STK39: variants seen among roughly 807,000 people sequenced by gnomAD.
The protein encoded by STK39 is serine/threonine kinase 39.
Under a neutral mutation model 77.8 loss-of-function variants are expected in STK39, and 20 were observed. The observed-to-expected ratio is 0.26, with a 90% confidence interval of 0.18 to 0.37. STK39 has a LOEUF of 0.37. STK39 is among the 10% of genes least tolerant of loss of function. The pLI is 1.00. For synonymous variants in STK39, 246 were observed against 234.1 expected (o/e 1.05, Z -0.47); for missense variants, 479 against 656.5 (o/e 0.73, Z 2.95).
intron 13 of STK39, 120 bp downstream of exon 13, chr2:168,065,199 G>T: frequency 9.8e-7 from 1 of 1,022,448 alleles, no homozygotes; most frequent in Non-Finnish European, 1.5e-6. Context: ...TAAAAAGACA[G>T]CTTATAAGCC....
At chr2:167,977,156 C>T (rs56403886) in intron 16 of STK39, among the ~76,000 whole-genome samples, 52,744 of 151,956 alleles carry the variant, frequency 0.35, 9,792 homozygotes, top group Non-Finnish European at 0.4. Flanking sequence ...TTCGGTTTGG[C>T]GTAACAAAAC....
intron 10 of STK39, among the ~76,000 whole-genome samples, chr2:168,090,908 C>A (rs540539644): frequency 6.6e-6 from 1 of 152,126 alleles, no homozygotes; most frequent in Admixed American, 6.5e-5. Flanking sequence ...CTTGAAGATA[C>A]TGCGAGGAAA....
chr2:168,139,024 T>C (rs1476485211), intron 7 of STK39, among the ~76,000 whole-genome samples: 1 of 152,200 alleles, frequency 6.6e-6, no homozygotes, highest in Non-Finnish European at 1.5e-5. Flanking sequence ...ATGCTATACA[T>C]GTCAAGCCTC....
At chr2:167,960,980 T>C (rs1207004405) in intron 17 of STK39, among the ~76,000 whole-genome samples, 1 of 152,278 alleles carries the variant, frequency 6.6e-6, no homozygotes, top group East Asian at 1.9e-4. Context: ...ATTTACATTG[T>C]AATCCAGTTC....
intron 2 of STK39, among the ~76,000 whole-genome samples, chr2:168,178,991 G>A (rs899109349): frequency 5.9e-5 from 9 of 152,138 alleles, no homozygotes; most frequent in African/African-American, 1.4e-4. Flanking sequence ...GCTGGGAGTC[G>A]GGGTCAGGAG....
intron 14 of STK39, among the ~76,000 whole-genome samples, chr2:168,051,308 G>T (rs867503751): frequency 6.6e-6 from 1 of 152,126 alleles, no homozygotes; most frequent in South Asian, 2.1e-4. Context: ...GCGACAGGAA[G>T]GATAACTTAA....
chr2:168,068,774 T>C lies in STK39; in HGVS notation c.1243-3393A>G, dbSNP rs77775954. Among the ~76,000 whole-genome samples, 662 of 152,232 alleles carry C rather than the reference T, an allele frequency of 4.3e-3. 8 individuals are homozygous for C. The highest frequency in any genetic ancestry group is 0.015 in the African/African-American group (629 of 41,516). On this transcript the variant is annotated intron_variant, in intron 12 of 17. Coordinates refer to ENST00000355999, the MANE Select transcript of STK39 (RefSeq NM_013233.3). ...CTTTTAGAAAGTGGTATCATGAAAA[T>C]ATCAGGTTAAAGCAGTCTGTGATGG...
intron 16 of STK39, among the ~76,000 whole-genome samples, chr2:167,988,909 T>C (rs1314330619): frequency 2.0e-5 from 3 of 152,252 alleles, no homozygotes; most frequent in South Asian, 2.1e-4. Context: ...GCAACAATGA[T>C]AGATCGAGAG....
chr2:168,203,071 C>T (rs765566496), intron 1 of STK39, among the ~76,000 whole-genome samples: 1 of 152,162 alleles, frequency 6.6e-6, no homozygotes, highest in Non-Finnish European at 1.5e-5. Context: ...AGGTACTGTC[C>T]TGTGTCCTGA....
intron 14 of STK39, among the ~76,000 whole-genome samples, chr2:168,048,156 G>T (rs1318738133): frequency 6.6e-6 from 1 of 151,222 alleles, no homozygotes; most frequent in Non-Finnish European, 1.5e-5. Flanking sequence ...CAAGTGATGG[G>T]TTTTATTTTG....
intron 1 of STK39, among the ~76,000 whole-genome samples, chr2:168,207,020 C>A (rs1689759758): frequency 6.6e-6 from 1 of 152,164 alleles, no homozygotes; most frequent in Admixed American, 6.5e-5. Context: ...TTCATTTATA[C>A]CCCTCTTTTG....
chr2:168,119,271 A>G (rs914845603), intron 10 of STK39, among the ~76,000 whole-genome samples: 1 of 152,088 alleles, frequency 6.6e-6, no homozygotes, highest in South Asian at 2.1e-4. Context: ...CTTCTCCTTC[A>G]CTGTTATTAT....
intron 1 of STK39, among the ~76,000 whole-genome samples, chr2:168,189,978 C>T (rs1355201016): frequency 3.9e-5 from 6 of 152,174 alleles, no homozygotes; most frequent in Non-Finnish European, 7.3e-5. Context: ...CTAGCCCGCC[C>T]GAGCTATGAA....
At chr2:167,996,649 CTG>C (rs1683848196) in intron 16 of STK39, among the ~76,000 whole-genome samples, 1 of 152,212 alleles carries the variant, frequency 6.6e-6, no homozygotes, top group Admixed American at 6.5e-5. Flanking sequence ...GCATTGTCTC[CTG>C]TCTGGATTGT....
chr2:167,975,881 T>C (rs1683264474), intron 16 of STK39, among the ~76,000 whole-genome samples: 1 of 152,302 alleles, frequency 6.6e-6, no homozygotes, highest in East Asian at 1.9e-4. Flanking sequence ...CTGGTCATGA[T>C]AGGAAAAAGG....
At chr2:168,020,004 A>C (rs928972817) in intron 14 of STK39, among the ~76,000 whole-genome samples, 1 of 152,088 alleles carries the variant, frequency 6.6e-6, no homozygotes, top group African/African-American at 2.4e-5. Flanking sequence ...TGCGCCTGGC[A>C]AAGTTTCTTA....
chr2:168,165,160 T>A (rs1221384252), intron 3 of STK39, among the ~76,000 whole-genome samples: 2 of 152,158 alleles, frequency 1.3e-5, no homozygotes, highest in African/African-American at 4.8e-5. Context: ...TGTATAAGGA[T>A]ATACCATACC....
At chr2:168,218,371 T>A (rs1007855099) in intron 1 of STK39, among the ~76,000 whole-genome samples, 1 of 152,228 alleles carries the variant, frequency 6.6e-6, no homozygotes, top group Non-Finnish European at 1.5e-5. Flanking sequence ...GTGTTCAACA[T>A]GTATGATCTT....
intron 16 of STK39, among the ~76,000 whole-genome samples, chr2:167,993,838 T>A (rs565223982): frequency 6.7e-6 from 1 of 149,574 alleles, no homozygotes; most frequent in African/African-American, 2.5e-5. Flanking sequence ...TGCATTCATA[T>A]AAAAACATAC....
Sources: allele counts gnomAD v4.1 joint callset (sites outside exome capture counted in the v4.1 genomes callset), GRCh38; gene constraint gnomAD v4.1.1; transcripts MANE v1.5; gene names NCBI Gene and HGNC (gene_info 2026-07-23, HGNC 2026-07-21).